Variants in CAB39L observed in about 807,000 individuals in gnomAD.
CAB39L encodes calcium binding protein 39 like.
In CAB39L, 23 loss-of-function variants were observed where a neutral mutation model predicts 39.1. The observed-to-expected ratio is 0.59, with a 90% CI of 0.42 to 0.83. CAB39L has a LOEUF of 0.83. Ranked by LOEUF, CAB39L falls within the 40% of genes least tolerant of loss-of-function variation. The pLI, the probability that CAB39L is intolerant of heterozygous loss-of-function variation, is 0.00. For synonymous variants in CAB39L, 126 were observed against 137.2 expected (o/e 0.92, Z 0.57); for missense variants, 366 against 391.9 (o/e 0.93, Z 0.56).
intron 5 of CAB39L, among the ~76,000 whole-genome samples, chr13:49,366,906 C>G (rs1325610681): frequency 1.3e-5 from 2 of 151,998 alleles, no homozygotes; most frequent in East Asian, 3.9e-4. Context: ...ATCCCAGCTA[C>G]TCGGGAAGCT....
At chr13:49,317,556 A>C (rs1292358392) in intron 10 of CAB39L, among the ~76,000 whole-genome samples, 2 of 152,002 alleles carry the variant, frequency 1.3e-5, no homozygotes, top group Non-Finnish European at 2.9e-5. Context: ...AACAAAAAAC[A>C]CTCAATATAG....
chr13:49,326,109 C>T (rs1227120921), intron 10 of CAB39L, among the ~76,000 whole-genome samples: 3 of 152,178 alleles, frequency 2.0e-5, no homozygotes, highest in African/African-American at 4.8e-5. Context: ...AGCGAGCAAA[C>T]GACACAGACC....
At chr13:49,335,541 T>C (rs183252586) in intron 9 of CAB39L, among the ~76,000 whole-genome samples, 1 of 152,280 alleles carries the variant, frequency 6.6e-6, no homozygotes, top group East Asian at 1.9e-4. Flanking sequence ...ACCAAGTAAA[T>C]GGGAAACACA....
chr13:49,385,449 G>A (rs1275005076), intron 3 of CAB39L, among the ~76,000 whole-genome samples: 1 of 152,122 alleles, frequency 6.6e-6, no homozygotes, highest in African/African-American at 2.4e-5. Flanking sequence ...TATTATTTGT[G>A]TTTTCACTGG....
At chr13:49,374,020 G>C (rs1345713377) in intron 5 of CAB39L, among the ~76,000 whole-genome samples, 1 of 152,176 alleles carries the variant, frequency 6.6e-6, no homozygotes, top group Admixed American at 6.5e-5. Context: ...TGAAAATACT[G>C]TATGTAGTTG....
At chr13:49,384,559 TA>T (rs1165787684) in intron 3 of CAB39L, among the ~76,000 whole-genome samples, 5 of 152,234 alleles carry the variant, frequency 3.3e-5, no homozygotes, top group African/African-American at 4.8e-5. Flanking sequence ...GAGGAATCAC[TA>T]TCTATGGCTG....
At position 49,332,089 on chromosome 13, in the gene CAB39L, A is replaced by C; in HGVS notation, c.692T>G (p.Leu231Arg). ...ACGGTCCAGGATCAGCTCCCCTAGC[A>C]GCTAGAGGAAAACACAAAACCAAAG... ...NYVTKRQSLK[L>R]LGELILDRHN... is the part of the protein sequence containing the mutation. Residue 231 changes from leucine to arginine, a missense_variant and splice_region_variant, in exon 10 of 11, where the codon CTG (leucine) becomes CGG (arginine). Coordinates refer to ENST00000409308, the MANE Select transcript of CAB39L (RefSeq NM_001079670.3). The C allele has an allele frequency of 1.2e-6, 2 of 1,613,526 alleles. No individual in the cohort carries two copies. Among genetic ancestry groups the C allele is most frequent in the Non-Finnish European group, 1.7e-6 (2 of 1,179,636 alleles).
At chr13:49,380,134 C>T (rs1349157660) in intron 4 of CAB39L, among the ~76,000 whole-genome samples, 2 of 152,142 alleles carry the variant, frequency 1.3e-5, no homozygotes, top group South Asian at 2.1e-4. Context: ...CCACTGCATC[C>T]GGCCCAGTAA....
rs1353966955 is a variant in CAB39L at position 49,339,694 on chromosome 13, T to C, written c.673A>G (p.Lys225Glu). Residue 225 changes from lysine to glutamate, a missense_variant, in exon 9 of 11, where the codon AAG (lysine) becomes GAG (glutamate). Transcript: ENST00000409308. ...GATATTACCTTTAAAGACTGTCTCT[T>C]AGTAACATAATTCTCAGACTGAAGC... is the stretch of plus-strand genomic sequence containing the variant. ...KLLQSENYVT[K>E]RQSLKLLGEL... 5 of 1,578,862 alleles carry C rather than the reference T, an allele frequency of 3.2e-6. No individual in the cohort carries two copies. Among genetic ancestry groups the C allele is most frequent in the Non-Finnish European group, 3.4e-6 (4 of 1,164,854 alleles).
chr13:49,440,206 T>C (rs947656806), intron 1 of CAB39L, among the ~76,000 whole-genome samples: 1 of 152,150 alleles, frequency 6.6e-6, no homozygotes, highest in African/African-American at 2.4e-5. Context: ...TTCTTACTGT[T>C]TGAGTTCTTA....
intron 3 of CAB39L, among the ~76,000 whole-genome samples, chr13:49,383,832 A>G (rs1956298518): frequency 1.3e-5 from 2 of 152,212 alleles, no homozygotes; most frequent in African/African-American, 4.8e-5. Context: ...AAACAAAAGC[A>G]AAAACAAAAT....
chr13:49,365,645 A>G (rs1315045792), intron 5 of CAB39L, among the ~76,000 whole-genome samples: 1 of 152,226 alleles, frequency 6.6e-6, no homozygotes. Flanking sequence ...TCAGGTAACA[A>G]CTATTGCTGG....
At chr13:49,442,787 CAAAAAAAA>C (rs71078844) in intron 1 of CAB39L, among the ~76,000 whole-genome samples, 3 of 103,686 alleles carry the variant, frequency 2.9e-5, no homozygotes, top group African/African-American at 5.1e-5. Flanking sequence ...GACTCCATCT[CAAAAAAAA>C]AAAAAAAAAA....
chr13:49,310,919 C>T lies in CAB39L; in HGVS notation c.909G>A (p.Glu303=), dbSNP rs750539512. The change falls in exon 11 of 11, where the codon GAG becomes GAA. Residue 303 remains glutamate, a synonymous_variant. Transcript: ENST00000409308. ...ILLKNQPKLI[E]FLSSFQKERT... ...TTTCTTTTTGGAAGCTGCTCAGAAA[C>T]TCAATGAGTTTGGGCTGATTTTTTA... 2.5e-6 allele frequency: 4 copies of T among 1,614,042 alleles called. No individual in the cohort carries two copies. In the African/African-American group the frequency reaches 4.0e-5, roughly 16 times the overall value.
intron 3 of CAB39L, among the ~76,000 whole-genome samples, chr13:49,384,638 T>C (rs1317631537): frequency 6.6e-6 from 1 of 152,220 alleles, no homozygotes; most frequent in Non-Finnish European, 1.5e-5. Flanking sequence ...TATGAACATA[T>C]GAAATGTATT....
chr13:49,386,739 A>G, intron 3 of CAB39L, among the ~76,000 whole-genome samples: 1 of 151,830 alleles, frequency 6.6e-6, no homozygotes, highest in East Asian at 1.9e-4. Context: ...ATTAAGGCAG[A>G]ACTCTCCTGC....
chr13:49,339,637 A>G, intron 9 of CAB39L, 40 bp downstream of exon 9: 1 of 1,513,008 alleles, frequency 6.6e-7, no homozygotes, highest in South Asian at 1.4e-5. Context: ...AATGAGATAT[A>G]AACTTACGGG....
rs553223265 is a variant in CAB39L at position 49,349,981 on chromosome 13, C to T, written c.564+763G>A. Among the ~76,000 whole-genome samples the T allele has an allele frequency of 5.9e-5, 9 of 152,142 alleles. No individual in the cohort carries two copies. In the East Asian group the frequency reaches 1.5e-3, roughly 26 times the overall value. On this transcript the variant is annotated intron_variant, in intron 7 of 10. Transcript: ENST00000409308. ...ACTCTTTTCTGATATATTCTCTGAACATTTTTTTGATGATAAAATACAGAA... is the reference window on the plus strand; with the variant it reads ...ACTCTTTTCTGATATATTCTCTGAATATTTTTTTGATGATAAAATACAGAA...
At chr13:49,311,051 C>T in intron 10 of CAB39L, 58 bp from the exon 11 acceptor site, 5 of 1,510,622 alleles carry the variant, frequency 3.3e-6, no homozygotes, top group East Asian at 2.3e-5. Context: ...ACCCACGCTA[C>T]AGCAGTGCAG....
Sources: gnomAD v4.1 joint callset for allele counts (sites outside exome capture counted in the v4.1 genomes callset) on GRCh38, gnomAD v4.1.1 for gene constraint, MANE v1.5 for transcripts, NCBI Gene and HGNC (gene_info 2026-07-23, HGNC 2026-07-21) for gene names.